ARID3A: variants seen among roughly 807,000 people sequenced by gnomAD.
The protein encoded by ARID3A is AT-rich interaction domain 3A.
A neutral mutation model predicts 52.7 loss-of-function variants in ARID3A; 11 were observed. The observed-to-expected ratio is 0.21, with a 90% CI of 0.13 to 0.35. The LOEUF (loss-of-function observed/expected upper bound fraction) is 0.35. ARID3A is among the 10% of genes least tolerant of loss of function. ARID3A has a pLI of 1.00. For synonymous variants in ARID3A, 404 were observed against 359.4 expected (o/e 1.12, Z -1.40); for missense variants, 721 against 838.5 (o/e 0.86, Z 1.73).
intron 3 of ARID3A, among the ~76,000 whole-genome samples, chr19:945,710 C>T (rs4806860): frequency 0.33 from 49,735 of 152,062 alleles, 10,526 homozygotes; most frequent in African/African-American, 0.58. Context: ...GTCTTTGGGC[C>T]CGGACTCCAG....
intron 8 of ARID3A, 194 bp downstream of exon 8, chr19:968,697 G>A (rs1568374923): frequency 1.8e-6 from 1 of 547,568 alleles, no homozygotes; most frequent in Admixed American, 3.3e-5. Flanking sequence ...ACCACGCTCA[G>A]CCCAGAGGGG....
chr19:970,906 T>C (rs1022633177), intron 8 of ARID3A, among the ~76,000 whole-genome samples: 1 of 152,118 alleles, frequency 6.6e-6, no homozygotes, highest in African/African-American at 2.4e-5. Context: ...TGAAGGTCAG[T>C]GGTGTCCTCA....
Position 960,274 on chromosome 19 carries a change from G to C in ARID3A, c.766+110G>C. On this transcript the variant is annotated intron_variant, in intron 4 of 8. Coordinates refer to ENST00000263620, the MANE Select transcript of ARID3A (RefSeq NM_005224.3). The surrounding 1 kb of genome is among the most constrained non-coding windows in gnomAD (Gnocchi z 4.3). Reference sequence around the variant, plus strand: ...GGCGGTGGTGAGCACCCCGTGGCTGGAGGCATCCAAGGCTCCTAAATCGGG... The same window carrying C: ...GGCGGTGGTGAGCACCCCGTGGCTGCAGGCATCCAAGGCTCCTAAATCGGG... 1 of 954,348 alleles carries C rather than the reference G, an allele frequency of 1.0e-6. No homozygotes were observed. The highest frequency in any genetic ancestry group is 1.5e-6 in the Non-Finnish European group (1 of 656,918). The allele number at this position is 954,348 out of a possible 1,614,324, so 59.1% of individuals were successfully genotyped here.
In ARID3A at chr19:929,364, C is replaced by A. The variant is rs1191326668; in HGVS notation, c.-165C>A. ...TCAGCCTTCAGCTTGAGCCCGGCGGCCCCCGCCCCCGCCCCCTGCCACCCT... is the reference window on the plus strand; with the variant it reads ...TCAGCCTTCAGCTTGAGCCCGGCGGACCCCGCCCCCGCCCCCTGCCACCCT... On this transcript the variant is annotated 5_prime_UTR_variant, in exon 2 of 9. Transcript: ENST00000263620. The surrounding 1 kb of genome is among the most constrained non-coding windows in gnomAD (Gnocchi z 6.2). The A allele has an allele frequency of 5.8e-6, 1 of 172,954 alleles. No homozygotes were observed. The highest frequency in any genetic ancestry group is 1.1e-5 in the Non-Finnish European group (1 of 87,052). The allele number at this position is 172,954 out of a possible 1,614,324, so 10.7% of individuals were successfully genotyped here.
rs558111341 is a variant in ARID3A, at chr19:962,497, C to T, written c.767-1751C>T. On this transcript the variant is annotated intron_variant, in intron 4 of 8. Coordinates refer to ENST00000263620, the MANE Select transcript of ARID3A (RefSeq NM_005224.3). ...GCCAGGGCGTGGCCCTGGGAACCAA[C>T]CCTCTGCTGCTGATCCTTTTTTTTT... Among the ~76,000 whole-genome samples, 10 of 149,902 alleles carry T rather than the reference C, an allele frequency of 6.7e-5. No homozygotes were observed. The South Asian group carries it at 2.1e-3, about 32-fold the overall frequency.
rs151299208 is a variant in ARID3A at position 936,612 on chromosome 19, G to A, written c.693+3870G>A. On this transcript the variant is annotated intron_variant, in intron 3 of 8. Coordinates refer to ENST00000263620, the MANE Select transcript of ARID3A (RefSeq NM_005224.3). ...AATCCCAGCACTTTGGGAGGCCGGG[G>A]CAGGCGGATCACGAGGTCAGGAGAT... Among the ~76,000 whole-genome samples, 993 of 152,256 alleles carry A rather than the reference G, an allele frequency of 6.5e-3. 10 individuals carry two copies. The highest frequency in any genetic ancestry group is 0.022 in the African/African-American group (895 of 41,538).
At position 937,137 on chromosome 19, in the gene ARID3A, G is replaced by A. The variant is rs143573381; in HGVS notation, c.693+4395G>A. ...ACAAAAATTAGCTGGGTGTGGTGGCGGGCACCTATAATCCCAGCACTCGGG... is the reference window on the plus strand; with the variant it reads ...ACAAAAATTAGCTGGGTGTGGTGGCAGGCACCTATAATCCCAGCACTCGGG... On this transcript the variant is annotated intron_variant, in intron 3 of 8. Transcript: ENST00000263620. Among the ~76,000 whole-genome samples, 1,406 of 151,972 alleles carry A rather than the reference G, an allele frequency of 9.3e-3. 33 individuals carry two copies. The highest frequency in any genetic ancestry group is 0.032 in the African/African-American group (1,347 of 41,456).
In ARID3A at chr19:942,423, G is replaced by A. The variant is rs367927808; in HGVS notation, c.693+9681G>A. ...GCCGCCGGGAGCCGGGCCGGGAGCC[G>A]CTGCGGTGCCGACCTGGTGGGTGGC... is the stretch of plus-strand genomic sequence containing the variant. On this transcript the variant is annotated intron_variant, in intron 3 of 8. Coordinates refer to ENST00000263620, the MANE Select transcript of ARID3A (RefSeq NM_005224.3). The surrounding 1 kb of genome is among the most constrained non-coding windows in gnomAD (Gnocchi z 8.1). 1.5e-4 allele frequency among the ~76,000 whole-genome samples: 23 copies of A among 152,354 alleles called. 1 individual carries two copies. The highest frequency in any genetic ancestry group is 7.8e-4 in the Admixed American group (12 of 15,310).
In ARID3A at chr19:936,793, A is replaced by G. The variant is rs915904774; in HGVS notation, c.693+4051A>G. The stretch of plus-strand genomic sequence containing the variant: ...GAAGCAGAGGTTACAGTGAGCCGAG[A>G]TCATGCCACTGCACTCCAGCCTGTG... On this transcript the variant is annotated intron_variant, in intron 3 of 8. Transcript: ENST00000263620. Among the ~76,000 whole-genome samples the G allele has an allele frequency of 2.0e-5, 3 of 152,268 alleles. No homozygotes were observed. In the South Asian group the frequency reaches 6.2e-4, roughly 32 times the overall value.
At chr19:950,364 GAGGCCGTCCCCAGAGGGAATGGATGGA>G (rs2037780091) in intron 3 of ARID3A, among the ~76,000 whole-genome samples, 1 of 63,068 alleles carries the variant, frequency 1.6e-5, no homozygotes, top group African/African-American at 5.8e-5. Flanking sequence ...ACGGATGGAT[GAGGCCGTCCCCAGAGGGAATGGATGGA>G]TGAGGCCGTC....
At position 970,195 on chromosome 19, in the gene ARID3A, C is replaced by T. The variant is rs143526406; in HGVS notation, c.1595-1683C>T. Among the ~76,000 whole-genome samples, 1,088 of 152,024 alleles carry T rather than the reference C, an allele frequency of 7.2e-3. 16 individuals are homozygous for T. Among genetic ancestry groups the T allele is most frequent in the African/African-American group, 0.025 (1,027 of 41,494 alleles). On this transcript the variant is annotated intron_variant, in intron 8 of 8. Transcript: ENST00000263620. ...AGGTGTGCTGGTGTGTGCCTATAAT[C>T]CCAGCTGCTTAGGAGGCTGAGGCAG...
Position 944,603 on chromosome 19 carries a change from G to T in ARID3A, c.693+11861G>T, listed in dbSNP as rs1186365460. Among the ~76,000 whole-genome samples the T allele has an allele frequency of 6.6e-6, 1 of 152,154 alleles. No homozygotes were observed. On this transcript the variant is annotated intron_variant, in intron 3 of 8. Coordinates refer to ENST00000263620, the MANE Select transcript of ARID3A (RefSeq NM_005224.3). This position sits in a 1 kb window ranked among gnomAD's most constrained non-coding sequence, Gnocchi z 5.9. ...CTGGGAGGGCCCGACTGCCAGCCTG[G>T]CTGAACCTCCTTCATTGTCTGGTTT...
In ARID3A at chr19:966,556, C is replaced by A; in HGVS notation, c.1199-16C>A. The stretch of plus-strand genomic sequence containing the variant: ...CAGCCCCTCCTGGCCACCAATTCCC[C>A]TTTTTTCCTACCTAGAGGAGGACTC... On this transcript the variant is annotated splice_polypyrimidine_tract_variant and intron_variant, in intron 6 of 8. Transcript: ENST00000263620. 1 of 1,512,888 alleles carries A rather than the reference C, an allele frequency of 6.6e-7. No homozygotes were observed. Among genetic ancestry groups the A allele is most frequent in the South Asian group, 1.3e-5 (1 of 75,938 alleles). 93.7% of individuals were successfully genotyped at this position (1,512,888 alleles called of 1,614,324 possible).
chr19:966,412 C>T (rs551880031), intron 6 of ARID3A, among the ~76,000 whole-genome samples, 160 bp from the exon 7 acceptor site: 5 of 148,160 alleles, frequency 3.4e-5, no homozygotes, highest in East Asian at 2.0e-4. Context: ...GAGCTGAGAT[C>T]GCACCATTGC....
Position 946,226 on chromosome 19 carries a change from T to G in ARID3A, c.693+13484T>G, listed in dbSNP as rs559274077. On this transcript the variant is annotated intron_variant, in intron 3 of 8. Coordinates refer to ENST00000263620, the MANE Select transcript of ARID3A (RefSeq NM_005224.3). ...TGGGTATTTCATTTTTATTTTTTTG[T>G]TTTTTTTACTTTTACTTTTTCCTTT... Among the ~76,000 whole-genome samples the G allele has an allele frequency of 1.7e-4, 25 of 150,540 alleles. 1 individual carries two copies. In the East Asian group the frequency reaches 4.1e-3, roughly 24 times the overall value.
At position 941,884 on chromosome 19, in the gene ARID3A, G is replaced by T. The variant is rs912530855; in HGVS notation, c.693+9142G>T. On this transcript the variant is annotated intron_variant, in intron 3 of 8. Transcript: ENST00000263620. The surrounding 1 kb of genome is among the most constrained non-coding windows in gnomAD (Gnocchi z 6.9). ...TGTGTCCAAAAGCGTGCCTGCTTGGGCTCGCCACGTGTGCGCACGTGTGCC... is the reference window on the plus strand; with the variant it reads ...TGTGTCCAAAAGCGTGCCTGCTTGGTCTCGCCACGTGTGCGCACGTGTGCC... Among the ~76,000 whole-genome samples the T allele has an allele frequency of 6.6e-6, 1 of 152,032 alleles. No homozygotes were observed. The highest frequency in any genetic ancestry group is 1.5e-5 in the Non-Finnish European group (1 of 68,012).
In ARID3A at chr19:938,930, C is replaced by CTT. The variant is rs5826711; in HGVS notation, c.693+6205_693+6206dup. Among the ~76,000 whole-genome samples, 136 of 128,170 alleles carry CTT rather than the reference C, an allele frequency of 1.1e-3. 4 individuals carry two copies. Among genetic ancestry groups the CTT allele is most frequent in the East Asian group, 8.0e-3 (35 of 4,388 alleles). 84.1% of individuals were successfully genotyped at this position (128,170 alleles called of 152,430 possible). On this transcript the variant is annotated intron_variant, in intron 3 of 8. Transcript: ENST00000263620. The surrounding 1 kb of genome is among the most constrained non-coding windows in gnomAD (Gnocchi z 4.0). The stretch of plus-strand genomic sequence containing the variant: ...CACATAGATACATTATTTTATCTCT[C>CTT]TTTTTTTTTTTTTTTTTTGAGACGG...
intron 8 of ARID3A, 116 bp from the exon 9 acceptor site, chr19:971,762 G>A: frequency 1.5e-6 from 2 of 1,316,546 alleles, no homozygotes; most frequent in Non-Finnish European, 2.0e-6. Context: ...ACTCTAGCCT[G>A]GGGGACAGAG....
intron 3 of ARID3A, among the ~76,000 whole-genome samples, chr19:934,950 C>T (rs916627068): frequency 3.3e-5 from 5 of 152,288 alleles, no homozygotes; most frequent in South Asian, 4.1e-4. Context: ...CAGGTCCAGC[C>T]GCCGATGCCG....
Sources: gnomAD v4.1 joint callset for allele counts (sites outside exome capture counted in the v4.1 genomes callset) on GRCh38, gnomAD v4.1.1 for gene constraint, Gnocchi (gnomAD v3.1) non-coding constraint, MANE v1.5 for transcripts, NCBI Gene and HGNC (gene_info 2026-07-23, HGNC 2026-07-21) for gene names.